Variants in TBCD observed in about 807,000 individuals in gnomAD.
The protein encoded by TBCD is tubulin-specific chaperone D.
Under a neutral mutation model 169.3 loss-of-function variants are expected in TBCD, and 105 were observed. The ratio of observed to expected loss-of-function variants is 0.62; its 90% CI spans 0.53 to 0.73. The LOEUF (loss-of-function observed/expected upper bound fraction) is 0.73, where lower values mean the gene tolerates loss of function less well. TBCD is among the 30% of genes least tolerant of loss of function. The probability of loss-of-function intolerance (pLI) is 0.00; values close to 1 mark genes in which losing one functional copy is unlikely to be tolerated. For synonymous variants in TBCD, 700 were observed against 643.9 expected (o/e 1.09, Z -1.32); for missense variants, 1,444 against 1,600.1 (o/e 0.90, Z 1.66).
chr17:82,911,396 C>T (rs558895241), intron 22 of TBCD, among the ~76,000 whole-genome samples: 9 of 152,310 alleles, frequency 5.9e-5, no homozygotes, highest in East Asian at 1.9e-4. Flanking sequence ...ATGGTAGAAC[C>T]GCAGTGCACT....
chr17:82,876,313 G>A (rs559348579), intron 14 of TBCD, among the ~76,000 whole-genome samples: 6 of 152,300 alleles, frequency 3.9e-5, no homozygotes, highest in Admixed American at 6.5e-5. Flanking sequence ...GAAAGCAAAC[G>A]GGCGAGGACA....
intron 20 of TBCD, among the ~76,000 whole-genome samples, chr17:82,907,342 G>C (rs1449393082): frequency 6.6e-6 from 1 of 152,156 alleles, no homozygotes; most frequent in Admixed American, 6.5e-5. Context: ...CAGCTTTAAG[G>C]GGATGCCCTA....
intron 2 of TBCD, among the ~76,000 whole-genome samples, chr17:82,763,067 T>G (rs1457273258): frequency 2.0e-5 from 3 of 152,216 alleles, no homozygotes; most frequent in Non-Finnish European, 4.4e-5. Context: ...AAATGTCACG[T>G]AAGTAAGGTG....
At chr17:82,892,020 C>T (rs985932805) in intron 16 of TBCD, among the ~76,000 whole-genome samples, 1 of 152,188 alleles carries the variant, frequency 6.6e-6, no homozygotes, top group Non-Finnish European at 1.5e-5. Context: ...TGTCCACACC[C>T]AGGCCCCCCA....
chr17:82,805,389 A>C (rs1219919756), intron 9 of TBCD, among the ~76,000 whole-genome samples: 1 of 152,186 alleles, frequency 6.6e-6, no homozygotes, highest in Non-Finnish European at 1.5e-5. Context: ...GAAGAGGGCT[A>C]CACGTTGCTG....
chr17:82,782,581 A>C lies in TBCD; in HGVS notation c.771+860A>C, dbSNP rs1020778634. On this transcript the variant is annotated intron_variant, in intron 7 of 38. Coordinates refer to ENST00000355528, the MANE Select transcript of TBCD (RefSeq NM_005993.5). This position sits in a 1 kb window ranked among gnomAD's most constrained non-coding sequence, Gnocchi z 5.1. ...GGTCTTAAACTCCTGGCCTCAAGTG[A>C]TCCTCCTGCCTTTGTGATGATCCCA... 2.0e-5 allele frequency among the ~76,000 whole-genome samples: 3 copies of C among 152,086 alleles called. No homozygotes were observed. The South Asian group carries it at 6.2e-4, about 32-fold the overall frequency.
intron 13 of TBCD, among the ~76,000 whole-genome samples, chr17:82,825,024 G>A (rs991460809): frequency 6.6e-6 from 1 of 152,126 alleles, no homozygotes; most frequent in African/African-American, 2.4e-5. Flanking sequence ...GGTTGCAATG[G>A]GTGAGCTATT....
intron 17 of TBCD, among the ~76,000 whole-genome samples, chr17:82,897,528 A>C (rs2059573029): frequency 6.6e-6 from 1 of 151,988 alleles, no homozygotes; most frequent in South Asian, 2.1e-4. Flanking sequence ...AAAAAAAAAA[A>C]AAAAAATCAG....
rs1449278120 is a variant in TBCD at position 82,922,785 on chromosome 17, C to G, written c.2179-867C>G. Among the ~76,000 whole-genome samples, 1 of 152,252 alleles carries G rather than the reference C, an allele frequency of 6.6e-6. No individual in the cohort carries two copies. Among genetic ancestry groups the G allele is most frequent in the African/African-American group, 2.4e-5 (1 of 41,458 alleles). On this transcript the variant is annotated intron_variant, in intron 25 of 38. Transcript: ENST00000355528. The surrounding 1 kb of genome is among the most constrained non-coding windows in gnomAD (Gnocchi z 4.1). ...CCCCCAGTGCCTCTCCAAGGCTGCT[C>G]TGTTGGCCTCGGCTCCTGGGCTTCG...
chr17:82,916,022 G>A (rs115545216), intron 23 of TBCD, among the ~76,000 whole-genome samples: 1,866 of 152,240 alleles, frequency 0.012, 54 homozygotes, highest in African/African-American at 0.043. Context: ...GAGTTCATTC[G>A]GATTTACCTG....
intron 37 of TBCD, 21 bp from the exon 38 acceptor site, chr17:82,941,378 C>A (rs764189523): frequency 6.4e-7 from 1 of 1,564,378 alleles, no homozygotes; most frequent in South Asian, 1.2e-5. Flanking sequence ...GAGAGACTCA[C>A]GGCTCTCCCT....
chr17:82,763,404 T>C (rs1225720068), intron 2 of TBCD, among the ~76,000 whole-genome samples: 1 of 152,212 alleles, frequency 6.6e-6, no homozygotes, highest in Non-Finnish European at 1.5e-5. Context: ...TTGCTTACGT[T>C]TAACCTAGCT....
At chr17:82,862,588 T>TG (rs1486587339) in intron 13 of TBCD, among the ~76,000 whole-genome samples, 2 of 152,124 alleles carry the variant, frequency 1.3e-5, no homozygotes, top group African/African-American at 4.8e-5. Context: ...GGGTTCTCAG[T>TG]GTCTGTATTG....
chr17:82,891,895 A>G (rs112749179), intron 16 of TBCD, among the ~76,000 whole-genome samples: 6 of 152,116 alleles, frequency 3.9e-5, no homozygotes, highest in Admixed American at 1.3e-4. Context: ...GCAGGTTGTG[A>G]CTAACCCATG....
At chr17:82,795,025 G>C (rs2050001410) in intron 7 of TBCD, among the ~76,000 whole-genome samples, 1 of 152,226 alleles carries the variant, frequency 6.6e-6, no homozygotes, top group Admixed American at 6.5e-5. Context: ...GGCCTTTCCA[G>C]GTGTGGGGCA....
At chr17:82,804,740 C>CT (rs1401716259) in intron 9 of TBCD, among the ~76,000 whole-genome samples, 1 of 152,152 alleles carries the variant, frequency 6.6e-6, no homozygotes, top group Non-Finnish European at 1.5e-5. Context: ...TCACCAGACT[C>CT]TGCGTATTCT....
intron 14 of TBCD, among the ~76,000 whole-genome samples, chr17:82,871,394 C>T (rs1183433097): frequency 1.3e-5 from 2 of 152,194 alleles, no homozygotes; most frequent in African/African-American, 2.4e-5. Flanking sequence ...CCGAGGAAGG[C>T]GACTCAGTGT....
intron 28 of TBCD, 24 bp downstream of exon 28, chr17:82,926,515 A>G (rs763769726): frequency 5.5e-5 from 88 of 1,606,684 alleles, no homozygotes; most frequent in Non-Finnish European, 7.2e-5. Context: ...GTTCCTCCCT[A>G]AAGTCGTAAG....
chr17:82,795,207 T>C (rs1376642658), intron 7 of TBCD, among the ~76,000 whole-genome samples: 1 of 152,230 alleles, frequency 6.6e-6, no homozygotes, highest in African/African-American at 2.4e-5. Context: ...TCTTTTTATT[T>C]AGTGAGAGAA....
Sources: allele counts gnomAD v4.1 joint callset (sites outside exome capture counted in the v4.1 genomes callset), GRCh38; gene constraint gnomAD v4.1.1; non-coding constraint Gnocchi (gnomAD v3.1); transcripts MANE v1.5; gene names NCBI Gene and HGNC (gene_info 2026-07-23, HGNC 2026-07-21).